SLC25A38: variants seen among roughly 807,000 people sequenced by gnomAD.
The protein encoded by SLC25A38 is mitochondrial glycine transporter.
SLC25A38 carries 27 observed loss-of-function variants against 33.4 expected under a neutral mutation model. That is an observed-to-expected ratio of 0.81 (90% CI 0.60 to 1.11). SLC25A38 has a LOEUF of 1.11. Ranked by LOEUF, SLC25A38 falls within the 50% of genes most tolerant of loss-of-function variation. The pLI is 0.00. For missense variants in SLC25A38, 344 were observed against 388.8 expected (o/e 0.88, Z 0.97); for synonymous variants, 123 against 145.9 (o/e 0.84, Z 1.13).
chr3:39,396,771 C>A lies in SLC25A38; in HGVS notation c.*251C>A. On this transcript the variant is annotated 3_prime_UTR_variant, in exon 7 of 7. Transcript: ENST00000650617. The stretch of plus-strand genomic sequence containing the variant: ...GTGTTAGGAGAGAGCTTTGCATACT[C>A]TGAGAGGCTACTTGGAAAGGCATTT... The A allele has an allele frequency of 1.8e-6, 1 of 547,616 alleles. No individual in the cohort carries two copies. The allele number at this position is 547,616 out of a possible 1,614,324, so 33.9% of individuals were successfully genotyped here.
At chr3:39,388,575 C>T (rs983328499) in intron 1 of SLC25A38, 1 of 152,264 alleles carries the variant, frequency 6.6e-6, no homozygotes, top group East Asian at 1.9e-4. Context: ...GCAAATGCCA[C>T]TTAATAAGGG....
At position 39,391,894 on chromosome 3, in the gene SLC25A38, G is replaced by A. The variant is rs1031453974; in HGVS notation, c.498G>A (p.Arg166=). The A allele has an allele frequency of 6.2e-7, 1 of 1,614,034 alleles. No individual in the cohort carries two copies. The highest frequency in any genetic ancestry group is 8.5e-7 in the Non-Finnish European group (1 of 1,180,012). ...ATGAGAGTATCTACGCTGCCCTGAG[G>A]AGCATCTATCACAGTGAGGGGCACC... is the stretch of plus-strand genomic sequence containing the variant. The part of the protein sequence containing the change: ...YGYESIYAAL[R]SIYHSEGHRG... Residue 166 remains arginine (R), a synonymous_variant, in exon 5 of 7, where the codon AGG becomes AGA. Transcript: ENST00000650617.
In SLC25A38 at chr3:39,397,290, T is replaced by C. The variant is rs1326272528; in HGVS notation, c.*770T>C. The C allele has an allele frequency of 6.6e-6, 1 of 152,566 alleles. No individual in the cohort carries two copies. The highest frequency in any genetic ancestry group is 2.4e-5 in the African/African-American group (1 of 41,464). 9.5% of individuals were successfully genotyped at this position (152,566 alleles called of 1,614,324 possible). ...CCTTATAAAAATGGACCAAACCCTT[T>C]TCTAAAATAAAATAGTTCTAGGGTG... On this transcript the variant is annotated 3_prime_UTR_variant, in exon 7 of 7. Transcript: ENST00000650617.
intron 5 of SLC25A38, among the ~76,000 whole-genome samples, chr3:39,392,252 G>A (rs1401693923): frequency 4.6e-5 from 7 of 151,246 alleles, no homozygotes; most frequent in South Asian, 2.1e-4. Context: ...ATAATTTGGC[G>A]GGGTGAGGAT....
At chr3:39,391,763 A>C (rs1019733915) in intron 4 of SLC25A38, 90 bp from the exon 5 acceptor site, 3 of 1,602,882 alleles carry the variant, frequency 1.9e-6, no homozygotes, top group Non-Finnish European at 2.6e-6. Flanking sequence ...ACTAGATCCC[A>C]TGGTAATGCC....
chr3:39,384,387 G>T, intron 1 of SLC25A38: 1 of 312,014 alleles, frequency 3.2e-6, no homozygotes, highest in Non-Finnish European at 5.8e-6. Context: ...CGGGGCTGGC[G>T]GCGTGGTTGC....
chr3:39,383,556 C>G lies in SLC25A38; in HGVS notation c.-169C>G. ...CCGCAGCCCCTGGACTAGCAGGATC[C>G]GAACCCCGGCGGCTGCGTGCTTATA... On this transcript the variant is annotated 5_prime_UTR_variant, in exon 1 of 7. Transcript: ENST00000650617. 1 of 692,408 alleles carries G rather than the reference C, an allele frequency of 1.4e-6. No homozygotes were observed. The highest frequency in any genetic ancestry group is 2.5e-6 in the Non-Finnish European group (1 of 397,030). 42.9% of individuals were successfully genotyped at this position (692,408 alleles called of 1,614,324 possible). A position where few individuals can be genotyped will look rare whatever the true frequency, so the allele number is the denominator to read the frequency against.
chr3:39,386,324 T>A (rs532961875), intron 1 of SLC25A38, among the ~76,000 whole-genome samples: 3 of 152,366 alleles, frequency 2.0e-5, no homozygotes, highest in African/African-American at 7.2e-5. Flanking sequence ...CCCACACCTA[T>A]AATGCTAACA....
rs2041733352 is a variant in SLC25A38, at chr3:39,389,073, C to G, written c.70-422C>G. ...AGGTTTCATTTGCTTTGGCTTGGTC[C>G]TATAAATACCTATAGGTCTTAGAGC... On this transcript the variant is annotated intron_variant, in intron 1 of 6. Transcript: ENST00000650617. The surrounding 1 kb of genome is among the most constrained non-coding windows in gnomAD (Gnocchi z 4.5). Among the ~76,000 whole-genome samples the G allele has an allele frequency of 6.6e-6, 1 of 152,206 alleles. No individual in the cohort carries two copies. Among genetic ancestry groups the G allele is most frequent in the Admixed American group, 6.5e-5 (1 of 15,278 alleles).
At position 39,383,561 on chromosome 3, in the gene SLC25A38, C is replaced by T; in HGVS notation, c.-164C>T. 2.8e-6 allele frequency: 2 copies of T among 709,844 alleles called. No homozygotes were observed. Among genetic ancestry groups the T allele is most frequent in the Non-Finnish European group, 4.9e-6 (2 of 410,574 alleles). The allele number at this position is 709,844 out of a possible 1,614,324, so 44.0% of individuals were successfully genotyped here. A position where few individuals can be genotyped will look rare whatever the true frequency, so the allele number is the denominator to read the frequency against. On this transcript the variant is annotated 5_prime_UTR_variant, in exon 1 of 7. Coordinates refer to ENST00000650617, the MANE Select transcript of SLC25A38 (RefSeq NM_017875.4). ...GCCCCTGGACTAGCAGGATCCGAACCCCGGCGGCTGCGTGCTTATAGGCGC... is the reference window on the plus strand; with the variant it reads ...GCCCCTGGACTAGCAGGATCCGAACTCCGGCGGCTGCGTGCTTATAGGCGC...
chr3:39,387,076 C>T (rs1277977961), intron 1 of SLC25A38, among the ~76,000 whole-genome samples: 1 of 152,128 alleles, frequency 6.6e-6, no homozygotes, highest in Non-Finnish European at 1.5e-5. Flanking sequence ...GTATTAATCT[C>T]TGAAGCCAAA....
Position 39,394,519 on chromosome 3 carries a change from G to T in SLC25A38, c.735G>T (p.Met245Ile), listed in dbSNP as rs2041807542. The T allele has an allele frequency of 6.2e-7, 1 of 1,614,034 alleles. No individual in the cohort carries two copies. Among genetic ancestry groups the T allele is most frequent in the Admixed American group, 1.7e-5 (1 of 59,996 alleles). ...TQPADVIKTH[M>I]QLYPLKFQWI... ...CTGCGGATGTTATCAAAACTCATAT[G>T]CAGCTTTATCCACTGAAGTTTCAAT... The change falls in exon 6 of 7, where the codon ATG (methionine) becomes ATT (isoleucine). Residue 245 changes from methionine (M) to isoleucine (I), a missense_variant. Physicochemically the swap from Met to Ile is conservative, Grantham distance 10 (BLOSUM62 1). Around this residue, in one of 2 missense-constraint regions of SLC25A38, gnomAD observed 75 missense variants for 117.0 expected, o/e 0.64. Transcript: ENST00000650617.
intron 5 of SLC25A38, among the ~76,000 whole-genome samples, chr3:39,393,135 A>G (rs765395442): frequency 1.3e-5 from 2 of 152,128 alleles, no homozygotes; most frequent in Non-Finnish European, 2.9e-5. Context: ...AAATACAAAA[A>G]TTAGCTGGGC....
chr3:39,396,401 T>C lies in SLC25A38; in HGVS notation c.796T>C (p.Tyr266His). 6.2e-7 allele frequency: 1 copy of C among 1,614,144 alleles called. No individual in the cohort carries two copies. Among genetic ancestry groups the C allele is most frequent in the Non-Finnish European group, 8.5e-7 (1 of 1,180,026 alleles). ...GQAVTLIFKD[Y>H]GLRGFFQGGI... ...CTGACATTTATTTTCACCATAGGAC[T>C]ATGGACTACGTGGCTTCTTCCAAGG... The change falls in exon 7 of 7, where the codon TAT (tyrosine) becomes CAT (histidine). Residue 266 changes from tyrosine to histidine, a missense_variant. By Grantham distance (83) the Tyr-to-His change is moderately conservative. This residue lies in a region of SLC25A38 where 75 missense variants were observed against 117.0 expected (regional missense o/e 0.64). Transcript: ENST00000650617.
chr3:39,391,227 A>C (rs1407630131), intron 3 of SLC25A38, among the ~76,000 whole-genome samples: 1 of 152,204 alleles, frequency 6.6e-6, no homozygotes, highest in Non-Finnish European at 1.5e-5. Context: ...CAGTGGGATT[A>C]AGTTGCCCAC....
rs777947222 is a variant in SLC25A38 at position 39,389,570 on chromosome 3, G to C, written c.145G>C (p.Asp49His). The C allele has an allele frequency of 6.2e-7, 1 of 1,614,070 alleles. No individual in the cohort carries two copies. Among genetic ancestry groups the C allele is most frequent in the South Asian group, 1.1e-5 (1 of 91,068 alleles). Residue 49 changes from aspartate to histidine, a missense_variant, in exon 2 of 7, where the codon GAT (aspartate) becomes CAT (histidine). By Grantham distance (81) the Asp-to-His change is moderately conservative. Transcript: ENST00000650617. This position sits in a 1 kb window ranked among gnomAD's most constrained non-coding sequence, Gnocchi z 4.5. ...TCSTLLFQPL[D>H]LLKTRLQTLQ... ...CTCTACCCTCCTTTTCCAACCTCTG[G>C]ATCTCCTTAAAACACGCCTGCAAAC...
At chr3:39,390,920 A>G (rs1029067838) in intron 3 of SLC25A38, among the ~76,000 whole-genome samples, 2 of 152,252 alleles carry the variant, frequency 1.3e-5, no homozygotes, top group Admixed American at 1.3e-4. Flanking sequence ...TTTCTCTATT[A>G]TCCCAGTAAT....
At chr3:39,396,341 A>G in intron 6 of SLC25A38, 57 bp from the exon 7 acceptor site, 1 of 1,613,352 alleles carries the variant, frequency 6.2e-7, no homozygotes, top group Non-Finnish European at 8.5e-7. Flanking sequence ...TACCAAGTGG[A>G]TAATTAATTG....
Position 39,396,656 on chromosome 3 carries a change from A to G in SLC25A38, c.*136A>G, listed in dbSNP as rs568780184. On this transcript the variant is annotated 3_prime_UTR_variant, in exon 7 of 7. Coordinates refer to ENST00000650617, the MANE Select transcript of SLC25A38 (RefSeq NM_017875.4). ...CAGAAATTGTGTTGCCTTTGCCTTC[A>G]GTAATCCCCTTAAGGAGAAAATATA... 2.2e-4 allele frequency: 315 copies of G among 1,409,942 alleles called. 4 individuals carry two copies. In the African/African-American group the frequency reaches 3.7e-3, roughly 17 times the overall value. The allele number at this position is 1,409,942 out of a possible 1,614,324, so 87.3% of individuals were successfully genotyped here.
Sources: gnomAD v4.1 joint callset for allele counts (sites outside exome capture counted in the v4.1 genomes callset) on GRCh38, gnomAD v4.1.1 for gene constraint, gnomAD v4.1.1 regional missense constraint, Gnocchi (gnomAD v3.1) non-coding constraint, MANE v1.5 for transcripts, NCBI Gene and HGNC (gene_info 2026-07-23, HGNC 2026-07-21) for gene names.